The following COP1 variants were observed in gnomAD, a reference collection of about 807,000 sequenced individuals.
COP1 encodes COP1 E3 ubiquitin ligase.
Under a neutral mutation model 101.3 loss-of-function variants are expected in COP1, and 24 were observed. The ratio of observed to expected loss-of-function variants is 0.24; its 90% CI spans 0.17 to 0.33. COP1 has a LOEUF of 0.33. COP1 is among the 10% of genes least tolerant of loss of function. COP1 has a pLI of 1.00. For missense variants in COP1, 663 were observed against 906.2 expected (o/e 0.73, Z 3.45); for synonymous variants, 347 against 341.9 (o/e 1.01, Z -0.17).
chr1:176,002,462 G>A (rs571100654), intron 15 of COP1, among the ~76,000 whole-genome samples: 7 of 151,150 alleles, frequency 4.6e-5, no homozygotes, highest in African/African-American at 7.3e-5. Context: ...CCACTAACTC[G>A]TCACCTAGCA....
At chr1:175,952,422 CAAA>C (rs35585282) in intron 18 of COP1, among the ~76,000 whole-genome samples, 27 of 116,022 alleles carry the variant, frequency 2.3e-4, no homozygotes, top group Middle Eastern at 8.2e-3. Context: ...GACTTCATCT[CAAA>C]AAAAAAAAAA....
At chr1:176,127,733 G>A (rs1179131484) in intron 8 of COP1, among the ~76,000 whole-genome samples, 1 of 152,108 alleles carries the variant, frequency 6.6e-6, no homozygotes, top group African/African-American at 2.4e-5. Flanking sequence ...TTTTCATAGT[G>A]ATTTTATTTC....
At chr1:175,969,714 T>A (rs1402952372) in intron 18 of COP1, among the ~76,000 whole-genome samples, 1 of 152,268 alleles carries the variant, frequency 6.6e-6, no homozygotes, top group African/African-American at 2.4e-5. Context: ...CCGTCATGAA[T>A]CAAGCCAACA....
chr1:175,951,361 T>C (rs1331286608), intron 18 of COP1, among the ~76,000 whole-genome samples: 1 of 148,880 alleles, frequency 6.7e-6, no homozygotes, highest in Non-Finnish European at 1.5e-5. Context: ...TAGAGATAGA[T>C]GTAACTGATT....
chr1:176,168,462 G>A (rs1695495661), intron 3 of COP1, among the ~76,000 whole-genome samples: 1 of 145,698 alleles, frequency 6.9e-6, no homozygotes, highest in Non-Finnish European at 1.5e-5. Context: ...GGAAGCGAGG[G>A]AGGGAGGAAG....
intron 18 of COP1, among the ~76,000 whole-genome samples, chr1:175,959,525 G>A (rs1651069224): frequency 1.3e-5 from 2 of 151,838 alleles, no homozygotes; most frequent in Admixed American, 6.6e-5. Context: ...AATTATTTGT[G>A]GATGAATTAA....
intron 2 of COP1, among the ~76,000 whole-genome samples, chr1:176,180,929 A>G (rs1475627158): frequency 1.3e-5 from 2 of 152,204 alleles, no homozygotes; most frequent in Non-Finnish European, 2.9e-5. Context: ...ACGATGCTGA[A>G]GGACCCCATT....
intron 1 of COP1, 78 bp downstream of exon 1, chr1:176,206,494 A>G: frequency 5.1e-6 from 7 of 1,360,614 alleles, no homozygotes; most frequent in Non-Finnish European, 7.1e-6. Flanking sequence ...CCACCCCCAC[A>G]CCAGACCCCC....
At chr1:176,085,353 T>C (rs1273336748) in intron 10 of COP1, among the ~76,000 whole-genome samples, 1 of 152,144 alleles carries the variant, frequency 6.6e-6, no homozygotes, top group African/African-American at 2.4e-5. Context: ...CACACAGAAC[T>C]GTTTATCTGT....
In COP1 at chr1:175,967,903, C is replaced by T. The variant is rs149076675; in HGVS notation, c.2133+19040G>A. Among the ~76,000 whole-genome samples, 14 of 152,096 alleles carry T rather than the reference C, an allele frequency of 9.2e-5. No individual in the cohort carries two copies. The East Asian group carries it at 2.7e-3, about 30-fold the overall frequency. On this transcript the variant is annotated intron_variant, in intron 18 of 19. Transcript: ENST00000367669. The stretch of plus-strand genomic sequence containing the variant: ...TTTTTTTTGAGATGGAGTCTCGCAC[C>T]GTCACCTAGCCTAGAGTGCAATGGC...
At chr1:175,964,803 A>AT (rs763615822) in intron 18 of COP1, among the ~76,000 whole-genome samples, 1 of 152,194 alleles carries the variant, frequency 6.6e-6, no homozygotes, top group South Asian at 2.1e-4. Flanking sequence ...CCTTAAGTAA[A>AT]TATAAAGAAT....
intron 5 of COP1, among the ~76,000 whole-genome samples, chr1:176,159,447 A>G (rs1181495637): frequency 1.3e-5 from 2 of 152,212 alleles, no homozygotes; most frequent in African/African-American, 4.8e-5. Flanking sequence ...ACAGAAGAGC[A>G]ATCTGTCAAT....
chr1:175,961,489 G>C (rs1383115328), intron 18 of COP1, among the ~76,000 whole-genome samples: 5 of 152,120 alleles, frequency 3.3e-5, no homozygotes, highest in Admixed American at 1.3e-4. Flanking sequence ...AATAAGACAT[G>C]ATGTCTGATC....
At chr1:176,165,361 CGTGTGT>C (rs34291468) in intron 3 of COP1, among the ~76,000 whole-genome samples, 2,054 of 132,102 alleles carry the variant, frequency 0.016, 61 homozygotes, top group Admixed American at 0.057. Flanking sequence ...AGATGTGTGT[CGTGTGT>C]GTGTGTGTGT....
intron 9 of COP1, among the ~76,000 whole-genome samples, chr1:176,112,893 T>C (rs534812167): frequency 1.1e-4 from 16 of 152,312 alleles, no homozygotes; most frequent in African/African-American, 3.8e-4. Flanking sequence ...AATGACAGGA[T>C]TTCATTCTTT....
At chr1:176,074,887 T>C (rs1334590368) in intron 11 of COP1, among the ~76,000 whole-genome samples, 2 of 152,132 alleles carry the variant, frequency 1.3e-5, no homozygotes. Flanking sequence ...ACTTTGATAC[T>C]TATTTTTGCC....
chr1:176,095,945 C>T (rs1682277711), intron 9 of COP1, among the ~76,000 whole-genome samples: 1 of 152,160 alleles, frequency 6.6e-6, no homozygotes, highest in Non-Finnish European at 1.5e-5. Context: ...AAATCCAGGC[C>T]TTTGCATGTA....
chr1:176,161,814 TG>T (rs1440636120), intron 5 of COP1, among the ~76,000 whole-genome samples: 4 of 152,054 alleles, frequency 2.6e-5, no homozygotes, highest in African/African-American at 9.7e-5. Flanking sequence ...AGATATAACA[TG>T]GGAGACAACT....
At chr1:175,978,065 T>C (rs1654987090) in intron 18 of COP1, among the ~76,000 whole-genome samples, 1 of 152,150 alleles carries the variant, frequency 6.6e-6, no homozygotes, top group Non-Finnish European at 1.5e-5. Context: ...CAATAAAAGT[T>C]ACTGTTAGGA....
Sources: gnomAD v4.1 joint callset for allele counts (sites outside exome capture counted in the v4.1 genomes callset) on GRCh38, gnomAD v4.1.1 for gene constraint, MANE v1.5 for transcripts, NCBI Gene and HGNC (gene_info 2026-07-23, HGNC 2026-07-21) for gene names.